The following ATG2A variants were observed in gnomAD, a reference collection of about 807,000 sequenced individuals.
ATG2A encodes the protein autophagy-related protein 2 homolog A.
ATG2A carries 103 observed loss-of-function variants against 214.2 expected under a neutral mutation model. That is an observed-to-expected ratio of 0.48 (90% confidence interval 0.41 to 0.57). ATG2A has a LOEUF of 0.57. Among genes scored for constraint, ATG2A ranks in the 20% least tolerant of loss-of-function variants. The probability of loss-of-function intolerance (pLI) is 0.00; values close to 1 mark genes in which losing one functional copy is unlikely to be tolerated. For missense variants in ATG2A, 2,312 were observed against 2,613.2 expected, an observed-to-expected ratio of 0.88 and a Z score of 2.51; for synonymous variants, 1,160 against 1,142.1, an observed-to-expected ratio of 1.02 and a Z score of -0.32.
In ATG2A at chr11:64,898,909, G is replaced by A. The variant is rs1944256010; in HGVS notation, c.4465-67C>T. Reference sequence around the variant, plus strand: ...AAGAGGGAGGGAAGGGCTGGCCCCAGACCCCTTCTCTATTCTTTTTTTGAG... The same window carrying A: ...AAGAGGGAGGGAAGGGCTGGCCCCAAACCCCTTCTCTATTCTTTTTTTGAG... On this transcript the variant is annotated intron_variant, in intron 31 of 40. Transcript: ENST00000377264. This position sits in a 1 kb window ranked among gnomAD's most constrained non-coding sequence, Gnocchi z 4.5. The A allele has an allele frequency of 6.9e-7, 1 of 1,456,622 alleles. No individual in the cohort carries two copies. Among genetic ancestry groups the A allele is most frequent in the Admixed American group, 1.9e-5 (1 of 53,280 alleles). 90.2% of individuals were successfully genotyped at this position (1,456,622 alleles called of 1,614,324 possible). A position where few individuals can be genotyped will look rare whatever the true frequency, so the allele number is the denominator to read the frequency against.
At chr11:64,911,342 T>G in intron 9 of ATG2A, 67 bp from the exon 10 acceptor site, 1 of 1,525,966 alleles carries the variant, frequency 6.6e-7, no homozygotes, top group Non-Finnish European at 9.0e-7. Context: ...GAGCAATAGT[T>G]TGCCACCAGG....
In ATG2A at chr11:64,906,531, C is replaced by G. The variant is rs202106316; in HGVS notation, c.2986G>C (p.Ala996Pro). 12 of 1,612,550 alleles carry G rather than the reference C, an allele frequency of 7.4e-6. No homozygotes were observed. The highest frequency in any genetic ancestry group is 1.3e-5 in the African/African-American group (1 of 74,892). ...AEKATLYHRAAVDDYPLPSHL... is the reference protein window; with the variant it reads ...AEKATLYHRAPVDDYPLPSHL... ...CTGGGCAGCGGGTAGTCATCCACGG[C>G]CGCTGGGGAGGGGTCTCATGAGCCC... Residue 996 changes from alanine to proline, a missense_variant and splice_region_variant, in exon 21 of 41, where the codon GCC (alanine) becomes CCC (proline). By Grantham distance (27) the Ala-to-Pro change is conservative. Coordinates refer to ENST00000377264, the MANE Select transcript of ATG2A (RefSeq NM_015104.3).
Position 64,910,242 on chromosome 11 carries a change from C to T in ATG2A, c.1708-47G>A, listed in dbSNP as rs141946555. 71 of 1,529,300 alleles carry T rather than the reference C, an allele frequency of 4.6e-5. No homozygotes were observed. The African/African-American group carries it at 5.7e-4, about 12-fold the overall frequency. The allele number at this position is 1,529,300 out of a possible 1,614,324, so 94.7% of individuals were successfully genotyped here. A position where few individuals can be genotyped will look rare whatever the true frequency, so the allele number is the denominator to read the frequency against. On this transcript the variant is annotated intron_variant, in intron 12 of 40. Transcript: ENST00000377264. The stretch of plus-strand genomic sequence containing the variant: ...TCAGTGAGGGCTGAGTGGTACTCAG[C>T]GGGTGGGACAGGAAGGCCCTCTCTG...
chr11:64,894,753 G>A lies in ATG2A; in HGVS notation c.*220C>T. 1 of 717,710 alleles carries A rather than the reference G, an allele frequency of 1.4e-6. No individual in the cohort carries two copies. The highest frequency in any genetic ancestry group is 2.5e-6 in the Non-Finnish European group (1 of 398,800). 44.5% of individuals were successfully genotyped at this position (717,710 alleles called of 1,614,324 possible). A position where few individuals can be genotyped will look rare whatever the true frequency, so the allele number is the denominator to read the frequency against. Reference sequence around the variant, plus strand: ...GTGGGCCCAGGTCGGGGGAGGGGCAGTGTCCTTTCTCCCCGGAGGAAAAGT... The same window carrying A: ...GTGGGCCCAGGTCGGGGGAGGGGCAATGTCCTTTCTCCCCGGAGGAAAAGT... On this transcript the variant is annotated 3_prime_UTR_variant, in exon 41 of 41. Transcript: ENST00000377264.
At chr11:64,902,468 G>T in intron 27 of ATG2A, 48 bp downstream of exon 27, 2 of 1,530,832 alleles carry the variant, frequency 1.3e-6, no homozygotes, top group Non-Finnish European at 1.8e-6. Flanking sequence ...GGCAGGGGAG[G>T]GGCCTGGCCG....
rs115926461 is a variant in ATG2A, at chr11:64,900,804, C to T, written c.4328+80G>A. 4.7e-6 allele frequency: 7 copies of T among 1,477,208 alleles called. No individual in the cohort carries two copies. In the African/African-American group the frequency reaches 5.7e-5, roughly 12 times the overall value. The allele number at this position is 1,477,208 out of a possible 1,614,324, so 91.5% of individuals were successfully genotyped here. ...ACCTGGGGTGGATGGGGCTCAAGGT[C>T]TCCAGCTGCTGAAAGTCAGACCTGG... On this transcript the variant is annotated intron_variant, in intron 30 of 40. Transcript: ENST00000377264.
Position 64,912,194 on chromosome 11 carries a change from G to A in ATG2A, c.978C>T (p.Asp326=). 1 of 1,613,910 alleles carries A rather than the reference G, an allele frequency of 6.2e-7. No individual in the cohort carries two copies. Among genetic ancestry groups the A allele is most frequent in the African/African-American group, 1.3e-5 (1 of 75,052 alleles). Residue 326 remains aspartate (D), a synonymous_variant, in exon 8 of 41, where the codon GAC becomes GAT. Coordinates refer to ENST00000377264, the MANE Select transcript of ATG2A (RefSeq NM_015104.3). ...TCAGGTCCTGCTCAATCAGCCACAG[G>A]TCTTCGGCACCTAGCGGGCGGCTCT... ...LNKSRPLGAE[D]LWLIEQDLNQ...
In ATG2A at chr11:64,907,879, A is replaced by G. The variant is rs557238326; in HGVS notation, c.2376T>C (p.Pro792=). 4.1e-5 allele frequency: 66 copies of G among 1,612,228 alleles called. No individual in the cohort carries two copies. In the South Asian group the frequency reaches 6.5e-4, roughly 16 times the overall value. The part of the protein sequence containing the change: ...TMYETEEMVI[P]GDPEEMRTFQ... ...ACGTCCTCATCTCCTCAGGGTCTCC[A>G]GGGATCACCATCTGGACAGGGTGAG... Residue 792 remains proline, a synonymous_variant, in exon 17 of 41, where the codon CCT becomes CCC. Transcript: ENST00000377264.
chr11:64,905,140 C>G (rs912456608), intron 24 of ATG2A, among the ~76,000 whole-genome samples: 2 of 152,304 alleles, frequency 1.3e-5, no homozygotes, highest in Admixed American at 1.3e-4. Context: ...AGGTGTGAGC[C>G]ACCGCACCCT....
At position 64,907,633 on chromosome 11, in the gene ATG2A, C is replaced by T. The variant is rs1944602513; in HGVS notation, c.2539G>A (p.Ala847Thr). The T allele has an allele frequency of 1.3e-6, 2 of 1,596,442 alleles. No homozygotes were observed. Among genetic ancestry groups the T allele is most frequent in the Non-Finnish European group, 1.7e-6 (2 of 1,171,352 alleles). The change falls in exon 18 of 41, where the codon GCA (alanine) becomes ACA (threonine). Residue 847 changes from alanine to threonine, a missense_variant. By Grantham distance (58) the Ala-to-Thr change is moderately conservative. Coordinates refer to ENST00000377264, the MANE Select transcript of ATG2A (RefSeq NM_015104.3). ...INNDLLMWEPADLLPTPDPAA... is the reference protein window; with the variant it reads ...INNDLLMWEPTDLLPTPDPAA... The stretch of plus-strand genomic sequence containing the variant: ...GGGTCGGGGGTGGGAAGCAGATCTG[C>T]AGGCTCCCACATGAGCAGGTCGTTG...
rs182255279 is a variant in ATG2A at position 64,915,084 on chromosome 11, T to C, written c.172-584A>G. Among the ~76,000 whole-genome samples the C allele has an allele frequency of 2.0e-3, 298 of 150,148 alleles. 5 individuals are homozygous for C. The highest frequency in any genetic ancestry group is 6.8e-3 in the African/African-American group (275 of 40,564). On this transcript the variant is annotated intron_variant, in intron 1 of 40. Transcript: ENST00000377264. ...CCATGTTCACCCTGGATGAGCAGAGTTCAAAGGGACAGTGTCCAAGAGAGG... is the reference window on the plus strand; with the variant it reads ...CCATGTTCACCCTGGATGAGCAGAGCTCAAAGGGACAGTGTCCAAGAGAGG...
At position 64,913,202 on chromosome 11, in the gene ATG2A, T is replaced by C. The variant is rs1237895286; in HGVS notation, c.726+64A>G. On this transcript the variant is annotated intron_variant, in intron 5 of 40. Transcript: ENST00000377264. The surrounding 1 kb of genome is among the most constrained non-coding windows in gnomAD (Gnocchi z 4.3). Reference sequence around the variant, plus strand: ...TGGAGTCAGAGATGGTCAGAAAGGATGGGAGGGGCTCAATGGGCTCAAGGG... The same window carrying C: ...TGGAGTCAGAGATGGTCAGAAAGGACGGGAGGGGCTCAATGGGCTCAAGGG... 1 of 1,610,608 alleles carries C rather than the reference T, an allele frequency of 6.2e-7. No homozygotes were observed. The highest frequency in any genetic ancestry group is 8.5e-7 in the Non-Finnish European group (1 of 1,178,984).
intron 19 of ATG2A, 121 bp downstream of exon 19, chr11:64,907,134 C>A (rs2034848388): frequency 8.1e-7 from 1 of 1,228,932 alleles, no homozygotes; most frequent in African/African-American, 1.5e-5. Context: ...GGTGGGCTGG[C>A]GCTGCCCACT....
intron 24 of ATG2A, 140 bp downstream of exon 24, chr11:64,905,422 AG>A (rs1944506688): frequency 2.1e-6 from 2 of 944,950 alleles, no homozygotes; most frequent in Non-Finnish European, 1.6e-6. Flanking sequence ...CCCTCTAGAA[AG>A]GCGGAAACAA....
At chr11:64,897,257 G>C (rs2136539002) in intron 37 of ATG2A, 155 bp downstream of exon 37, 1 of 838,248 alleles carries the variant, frequency 1.2e-6, no homozygotes, top group East Asian at 2.7e-5. Context: ...CTGAATGTGT[G>C]AGCCATCATG....
Position 64,910,830 on chromosome 11 carries a change from T to C in ATG2A, c.1591A>G (p.Thr531Ala). 3.1e-6 allele frequency: 5 copies of C among 1,609,280 alleles called. No individual in the cohort carries two copies. Among genetic ancestry groups the C allele is most frequent in the Admixed American group, 1.7e-5 (1 of 59,660 alleles). ...ACCTCCGTGTACTCAGGCTCAGAGG[T>C]GCCCCGGGGCCACAGACACTCCAGC... The part of the protein sequence containing the change: ...EVLECLWPRG[T>A]SEPEYTEILT... The change falls in exon 11 of 41, where the codon ACC becomes GCC. Residue 531 changes from threonine (T) to alanine (A), a missense_variant. By Grantham distance (58) the Thr-to-Ala change is moderately conservative (BLOSUM62 0). Transcript: ENST00000377264.
rs768658302 is a variant in ATG2A at position 64,909,683 on chromosome 11, T to C, written c.2105A>G (p.His702Arg). Residue 702 changes from histidine (H) to arginine (R), a missense_variant and splice_region_variant, in exon 14 of 41, where the codon CAT (histidine) becomes CGT (arginine). Coordinates refer to ENST00000377264, the MANE Select transcript of ATG2A (RefSeq NM_015104.3). Reference sequence around the variant, plus strand: ...TTCTGTCACTCGGGGGCTCTCACCATGTAGGTCGGAGCAGGTGAGTTCCAG... The same window carrying C: ...TTCTGTCACTCGGGGGCTCTCACCACGTAGGTCGGAGCAGGTGAGTTCCAG... ...THLELTCSDL[H>R]GIYEDGGKPP... 38 of 1,611,816 alleles carry C rather than the reference T, an allele frequency of 2.4e-5. No individual in the cohort carries two copies. The highest frequency in any genetic ancestry group is 3.1e-5 in the Non-Finnish European group (37 of 1,179,272).
rs776789973 is a variant in ATG2A, at chr11:64,902,108, G to A, written c.3973C>T (p.Pro1325Ser). Reference protein sequence around the residue: ...LFPGERSGAPPPSPPVGGPAG... With the variant: ...LFPGERSGAPSPSPPVGGPAG... ...GGGCCCCCGACAGGTGGTGAAGGGG[G>A]TGGGGCCCCACTCCGTTCACCTGGG... Residue 1325 changes from proline (P) to serine (S), a missense_variant, in exon 29 of 41, where the codon CCC becomes TCC. Transcript: ENST00000377264. The A allele has an allele frequency of 6.2e-7, 1 of 1,613,930 alleles. No homozygotes were observed. The highest frequency in any genetic ancestry group is 1.7e-5 in the Admixed American group (1 of 60,022).
At position 64,906,543 on chromosome 11, in the gene ATG2A, G is replaced by T; in HGVS notation, c.2984-10C>A. On this transcript the variant is annotated splice_polypyrimidine_tract_variant and intron_variant, in intron 20 of 40. Coordinates refer to ENST00000377264, the MANE Select transcript of ATG2A (RefSeq NM_015104.3). ...TAGTCATCCACGGCCGCTGGGGAGG[G>T]GTCTCATGAGCCCCCTGCCAAGCCA... is the stretch of plus-strand genomic sequence containing the variant. 6.2e-7 allele frequency: 1 copy of T among 1,612,030 alleles called. No individual in the cohort carries two copies. The highest frequency in any genetic ancestry group is 8.5e-7 in the Non-Finnish European group (1 of 1,179,308).
Sources: gnomAD v4.1 joint callset for allele counts (sites outside exome capture counted in the v4.1 genomes callset) on GRCh38, gnomAD v4.1.1 for gene constraint, Gnocchi (gnomAD v3.1) non-coding constraint, MANE v1.5 for transcripts, NCBI Gene and HGNC (gene_info 2026-07-23, HGNC 2026-07-21) for gene names.